The following MAGI3 variants were observed in gnomAD, a reference collection of about 807,000 sequenced individuals.
MAGI3 encodes membrane associated guanylate kinase, WW and PDZ domain containing 3, also known as membrane-associated guanylate kinase, WW and PDZ domain-containing protein 3.
A neutral mutation model predicts 121.8 loss-of-function variants in MAGI3; 43 were observed. The ratio of observed to expected loss-of-function variants is 0.35; its 90% CI spans 0.28 to 0.46. MAGI3 has a LOEUF of 0.46. MAGI3 is among the 20% of genes least tolerant of loss of function. The pLI is 1.00. For synonymous variants in MAGI3, 553 were observed against 639.3 expected, an observed-to-expected ratio of 0.86 and a Z score of 2.04; for missense variants, 1,547 against 1,797.3, an observed-to-expected ratio of 0.86 and a Z score of 2.52.
At chr1:113,535,665 G>A (rs186425837) in intron 1 of MAGI3, among the ~76,000 whole-genome samples, 228 of 152,208 alleles carry the variant, frequency 1.5e-3, no homozygotes, top group African/African-American at 5.4e-3. Flanking sequence ...TTTCAGAAAC[G>A]TTGTGCAACT....
At chr1:113,545,475 T>C (rs1239281766) in intron 1 of MAGI3, among the ~76,000 whole-genome samples, 2 of 152,246 alleles carry the variant, frequency 1.3e-5, no homozygotes, top group Non-Finnish European at 2.9e-5. Flanking sequence ...TGTAATTAGA[T>C]TGATTTACAG....
intron 5 of MAGI3, among the ~76,000 whole-genome samples, chr1:113,591,139 G>C (rs949641618): frequency 6.6e-6 from 1 of 151,942 alleles, no homozygotes; most frequent in Non-Finnish European, 1.5e-5. Flanking sequence ...AGAGTAATTG[G>C]TACAAATTTA....
intron 2 of MAGI3, among the ~76,000 whole-genome samples, chr1:113,572,277 G>C (rs1401788096): frequency 6.6e-6 from 1 of 152,190 alleles, no homozygotes; most frequent in Non-Finnish European, 1.5e-5. Flanking sequence ...TTTTCTATGT[G>C]CTGCTGGATT....
intron 1 of MAGI3, among the ~76,000 whole-genome samples, chr1:113,434,204 A>C (rs999156056): frequency 2.0e-5 from 3 of 152,230 alleles, no homozygotes; most frequent in African/African-American, 7.2e-5. Flanking sequence ...AATCTAGTAC[A>C]AATTGTCAAC....
intron 1 of MAGI3, chr1:113,403,879 A>G (rs1309685487): frequency 6.6e-6 from 1 of 152,116 alleles, no homozygotes; most frequent in Non-Finnish European, 1.5e-5. Context: ...AAGGCATACT[A>G]CAAGGAGGAA....
At chr1:113,455,170 A>G (rs1445536801) in intron 1 of MAGI3, among the ~76,000 whole-genome samples, 1 of 152,180 alleles carries the variant, frequency 6.6e-6, no homozygotes, top group African/African-American at 2.4e-5. Context: ...TTTCTGAAAA[A>G]TCCCAATAAT....
At chr1:113,487,500 C>T (rs573300768) in intron 1 of MAGI3, among the ~76,000 whole-genome samples, 98 of 152,094 alleles carry the variant, frequency 6.4e-4, no homozygotes, top group Non-Finnish European at 7.4e-5. Context: ...AAAATAACTC[C>T]CACAAGCTTA....
chr1:113,671,649 G>C (rs1647557106), intron 16 of MAGI3, 85 bp from the exon 17 acceptor site: 1 of 1,271,540 alleles, frequency 7.9e-7, no homozygotes, highest in African/African-American at 1.5e-5. Context: ...ATAGCCATCT[G>C]TTATTGTCTC....
At chr1:113,447,948 C>T (rs776621605) in intron 1 of MAGI3, among the ~76,000 whole-genome samples, 6 of 152,144 alleles carry the variant, frequency 3.9e-5, no homozygotes, top group Non-Finnish European at 5.9e-5. Context: ...AGTTACTTTT[C>T]TGCTTAGCCC....
At chr1:113,591,592 C>T (rs1050037832) in intron 5 of MAGI3, among the ~76,000 whole-genome samples, 2 of 152,008 alleles carry the variant, frequency 1.3e-5, no homozygotes, top group African/African-American at 2.4e-5. Context: ...GGATGTGTAG[C>T]GTTCTTTTTA....
chr1:113,396,207 G>A (rs1282354384), intron 1 of MAGI3, among the ~76,000 whole-genome samples: 1 of 151,258 alleles, frequency 6.6e-6, no homozygotes, highest in East Asian at 1.9e-4. Flanking sequence ...TAGTGTTTTG[G>A]GAGTATGTTG....
At chr1:113,552,313 A>G (rs1659820658) in intron 2 of MAGI3, among the ~76,000 whole-genome samples, 1 of 152,094 alleles carries the variant, frequency 6.6e-6, no homozygotes, top group Non-Finnish European at 1.5e-5. Context: ...TTATACTTTG[A>G]TGTTTGTTTG....
chr1:113,427,569 T>C (rs1653074945), intron 1 of MAGI3, among the ~76,000 whole-genome samples: 1 of 152,224 alleles, frequency 6.6e-6, no homozygotes, highest in Non-Finnish European at 1.5e-5. Flanking sequence ...GCTGTCTTTC[T>C]TCTGTAGAGT....
intron 1 of MAGI3, among the ~76,000 whole-genome samples, chr1:113,453,378 T>C (rs958367609): frequency 6.6e-6 from 1 of 152,166 alleles, no homozygotes; most frequent in African/African-American, 2.4e-5. Context: ...ATTTTTATAT[T>C]TTTTATAACA....
intron 9 of MAGI3, among the ~76,000 whole-genome samples, chr1:113,633,201 A>G (rs773044395): frequency 3.0e-5 from 4 of 131,360 alleles, no homozygotes; most frequent in Admixed American, 1.6e-4. Flanking sequence ...ATGATTTCCA[A>G]TTTCATCCAT....
chr1:113,646,302 A>ACACAT (rs1383318921), intron 11 of MAGI3, among the ~76,000 whole-genome samples, 184 bp from the exon 12 acceptor site: 1 of 152,192 alleles, frequency 6.6e-6, no homozygotes, highest in Non-Finnish European at 1.5e-5. Flanking sequence ...TAAGTTAAAT[A>ACACAT]TGTTTCAACC....
chr1:113,542,381 A>G lies in MAGI3; in HGVS notation c.317-7134A>G, dbSNP rs180762836. 6.6e-5 allele frequency among the ~76,000 whole-genome samples: 10 copies of G among 152,294 alleles called. No homozygotes were observed. In the East Asian group the frequency reaches 1.7e-3, roughly 26 times the overall value. On this transcript the variant is annotated intron_variant, in intron 1 of 20. Coordinates refer to ENST00000307546, the MANE Select transcript of MAGI3 (RefSeq NM_001142782.2). Reference sequence around the variant, plus strand: ...ATTGCAGCACTCAGAATGGCATGCAATCTAAAACTCATTAATTGTTTATGT... The same window carrying G: ...ATTGCAGCACTCAGAATGGCATGCAGTCTAAAACTCATTAATTGTTTATGT...
At chr1:113,425,494 C>T (rs1652962129) in intron 1 of MAGI3, among the ~76,000 whole-genome samples, 1 of 151,754 alleles carries the variant, frequency 6.6e-6, no homozygotes, top group Non-Finnish European at 1.5e-5. Context: ...CCGTGTTAGC[C>T]AGGATGATCT....
At chr1:113,447,082 T>A (rs1654212360) in intron 1 of MAGI3, among the ~76,000 whole-genome samples, 1 of 152,212 alleles carries the variant, frequency 6.6e-6, no homozygotes, top group South Asian at 2.1e-4. Flanking sequence ...TGATGATGGT[T>A]GCATGATGGT....
Sources: allele counts gnomAD v4.1 joint callset (sites outside exome capture counted in the v4.1 genomes callset), GRCh38; gene constraint gnomAD v4.1.1; transcripts MANE v1.5; gene names NCBI Gene and HGNC (gene_info 2026-07-23, HGNC 2026-07-21).